GNG12: variants seen among roughly 807,000 people sequenced by gnomAD.
The protein encoded by GNG12 is guanine nucleotide-binding protein G(I)/G(S)/G(O) subunit gamma-12.
For missense variants in GNG12, 69 were observed against 83.8 expected (o/e 0.82, Z 0.69); for synonymous variants, 28 against 29.7 (o/e 0.94, Z 0.19).
intron 1 of GNG12, among the ~76,000 whole-genome samples, chr1:67,829,389 A>G (rs867746884): frequency 3.3e-5 from 5 of 152,240 alleles, no homozygotes; most frequent in Non-Finnish European, 5.9e-5. Context: ...AAAAGACAAA[A>G]TGATGATTGT....
chr1:67,784,517 T>TAA (rs146094766), intron 1 of GNG12, among the ~76,000 whole-genome samples: 32 of 151,056 alleles, frequency 2.1e-4, no homozygotes, highest in East Asian at 1.6e-3. Context: ...CAATTTCTAT[T>TAA]AAAAAAAAAG....
chr1:67,767,400 G>A (rs1359541628), intron 2 of GNG12, among the ~76,000 whole-genome samples: 1 of 152,142 alleles, frequency 6.6e-6, no homozygotes, highest in African/African-American at 2.4e-5. Flanking sequence ...AAACACTTGC[G>A]CTGCCCTGTG....
intron 1 of GNG12, among the ~76,000 whole-genome samples, chr1:67,816,742 C>CAAGACG (rs1412022969): frequency 1.3e-5 from 2 of 152,202 alleles, no homozygotes; most frequent in Admixed American, 6.5e-5. Context: ...GGCCCGGTGA[C>CAAGACG]AAGACGTCCT....
At chr1:67,792,132 G>T (rs956212850) in intron 1 of GNG12, among the ~76,000 whole-genome samples, 2 of 151,914 alleles carry the variant, frequency 1.3e-5, no homozygotes, top group African/African-American at 4.8e-5. Flanking sequence ...TTTCTTCTTG[G>T]TACGTACCCC....
intron 1 of GNG12, among the ~76,000 whole-genome samples, chr1:67,805,565 G>T (rs1646890283): frequency 6.6e-6 from 1 of 152,102 alleles, no homozygotes; most frequent in African/African-American, 2.4e-5. Context: ...GCTGAGGAAA[G>T]AATCTCTAGG....
Position 67,704,793 on chromosome 1 carries a change from T to C in GNG12, c.*658A>G, listed in dbSNP as rs1414108034. ...TTCAAGAGAGGAGAGATGATTGCAT[T>C]ACTTGATTACAATGAATACAATCTT... On this transcript the variant is annotated 3_prime_UTR_variant, in exon 4 of 4. Transcript: ENST00000370982. 1 of 152,652 alleles carries C rather than the reference T, an allele frequency of 6.6e-6. No individual in the cohort carries two copies. The highest frequency in any genetic ancestry group is 1.5e-5 in the Non-Finnish European group (1 of 68,058). 9.5% of individuals were successfully genotyped at this position (152,652 alleles called of 1,614,324 possible). A position where few individuals can be genotyped will look rare whatever the true frequency, so the allele number is the denominator to read the frequency against.
intron 2 of GNG12, among the ~76,000 whole-genome samples, chr1:67,743,317 CATGCTACTGT>C (rs1246982149): frequency 1.3e-5 from 2 of 152,166 alleles, no homozygotes; most frequent in African/African-American, 4.8e-5. Flanking sequence ...CAAGGTTCTT[CATGCTACTGT>C]CAGCTGGGTA....
At position 67,705,282 on chromosome 1, in the gene GNG12, T is replaced by G. The variant is rs1570470320; in HGVS notation, c.*169A>C. Reference sequence around the variant, plus strand: ...TGTATTAAATCAGTAAAGGGTATTTTAAGAGAAAGGACAACTTGGAAAATA... The same window carrying G: ...TGTATTAAATCAGTAAAGGGTATTTGAAGAGAAAGGACAACTTGGAAAATA... On this transcript the variant is annotated 3_prime_UTR_variant, in exon 4 of 4. Coordinates refer to ENST00000370982, the MANE Select transcript of GNG12 (RefSeq NM_018841.6). 2 of 1,035,914 alleles carry G rather than the reference T, an allele frequency of 1.9e-6. No homozygotes were observed. Among genetic ancestry groups the G allele is most frequent in the South Asian group, 2.0e-5 (1 of 50,662 alleles). 64.2% of individuals were successfully genotyped at this position (1,035,914 alleles called of 1,614,324 possible). A position where few individuals can be genotyped will look rare whatever the true frequency, so the allele number is the denominator to read the frequency against.
chr1:67,790,801 A>G (rs1646797972), intron 1 of GNG12, among the ~76,000 whole-genome samples: 1 of 151,994 alleles, frequency 6.6e-6, no homozygotes, highest in Admixed American at 6.5e-5. Flanking sequence ...TTTTTAGTAG[A>G]GACAAGGTTT....
chr1:67,831,892 T>C (rs1452999856), intron 1 of GNG12, among the ~76,000 whole-genome samples: 1 of 152,232 alleles, frequency 6.6e-6, no homozygotes, highest in African/African-American at 2.4e-5. Context: ...CTGGTTCTCC[T>C]AGGTGAGGGC....
intron 2 of GNG12, among the ~76,000 whole-genome samples, chr1:67,709,722 C>T (rs1646270262): frequency 6.7e-6 from 1 of 148,332 alleles, no homozygotes; most frequent in Non-Finnish European, 1.5e-5. Flanking sequence ...CAGACCAGCA[C>T]TTACTAACAG....
At chr1:67,806,085 TA>T (rs913034731) in intron 1 of GNG12, among the ~76,000 whole-genome samples, 5 of 150,918 alleles carry the variant, frequency 3.3e-5, no homozygotes, top group African/African-American at 1.2e-4. Context: ...GTTCTCAGAT[TA>T]AAAAAAAACT....
chr1:67,758,388 T>G lies in GNG12; in HGVS notation c.-27+19070A>C, dbSNP rs1020221202. ...AATGTGGCCTGGGTCCTGCTATCCCTCCTCAGACCTAGTATTTCGCCATGA... is the reference window on the plus strand; with the variant it reads ...AATGTGGCCTGGGTCCTGCTATCCCGCCTCAGACCTAGTATTTCGCCATGA... On this transcript the variant is annotated intron_variant, in intron 2 of 3. Coordinates refer to ENST00000370982, the MANE Select transcript of GNG12 (RefSeq NM_018841.6). Among the ~76,000 whole-genome samples the G allele has an allele frequency of 5.1e-4, 78 of 152,204 alleles. 1 individual carries two copies. The highest frequency in any genetic ancestry group is 5.0e-3 in the Admixed American group (76 of 15,288).
chr1:67,797,718 A>G (rs1646840326), intron 1 of GNG12, among the ~76,000 whole-genome samples: 1 of 152,178 alleles, frequency 6.6e-6, no homozygotes, highest in South Asian at 2.1e-4. Flanking sequence ...AGAAAATAGG[A>G]TGGGAAATGG....
chr1:67,833,445 C>T lies in GNG12; in HGVS notation c.-178G>A, dbSNP rs1006934618. The T allele has an allele frequency of 3.8e-5, 37 of 985,408 alleles. No homozygotes were observed. Among genetic ancestry groups the T allele is most frequent in the Non-Finnish European group, 4.5e-5 (37 of 830,132 alleles). The allele number at this position is 985,408 out of a possible 1,614,324, so 61.0% of individuals were successfully genotyped here. On this transcript the variant is annotated 5_prime_UTR_variant, in exon 1 of 4. Transcript: ENST00000370982. ...TCCTCCTCCTCCTCCTCTTGCTCCT[C>T]CGGGCGCCGGCTCCGCCTCGCTGGG... is the stretch of plus-strand genomic sequence containing the variant.
intron 2 of GNG12, among the ~76,000 whole-genome samples, chr1:67,708,999 C>T (rs990734638): frequency 6.6e-6 from 1 of 152,254 alleles, no homozygotes. Flanking sequence ...GTGCTCCACA[C>T]TGAGTTCTAC....
intron 2 of GNG12, among the ~76,000 whole-genome samples, chr1:67,753,949 C>A (rs1031623913): frequency 1.3e-5 from 2 of 151,994 alleles, no homozygotes; most frequent in African/African-American, 4.8e-5. Flanking sequence ...AAGGTAGGCG[C>A]TCCCTTCTCC....
chr1:67,755,104 C>G (rs956701043), intron 2 of GNG12, among the ~76,000 whole-genome samples: 1 of 152,236 alleles, frequency 6.6e-6, no homozygotes, highest in African/African-American at 2.4e-5. Context: ...ATCTGTCCGC[C>G]TTGGCGTTGT....
chr1:67,822,399 C>T (rs1570576619), intron 1 of GNG12, among the ~76,000 whole-genome samples: 2 of 152,038 alleles, frequency 1.3e-5, no homozygotes. Context: ...AAGCAGTCAA[C>T]CCCTTTTGAT....
Sources: allele counts gnomAD v4.1 joint callset (sites outside exome capture counted in the v4.1 genomes callset), GRCh38; gene constraint gnomAD v4.1.1; transcripts MANE v1.5; gene names NCBI Gene and HGNC (gene_info 2026-07-23, HGNC 2026-07-21).